Variants in IGF1R observed in about 807,000 individuals in gnomAD.
The protein encoded by IGF1R is insulin-like growth factor 1 receptor.
A neutral mutation model predicts 144.6 loss-of-function variants in IGF1R; 44 were observed. That is an observed-to-expected ratio of 0.30 (90% CI 0.24 to 0.39). IGF1R has a LOEUF of 0.39. Among genes scored for constraint, IGF1R ranks in the 10% least tolerant of loss-of-function variants. The pLI, the probability that IGF1R is intolerant of heterozygous loss-of-function variation, is 1.00. For missense variants in IGF1R, 1,355 were observed against 1,833.7 expected (o/e 0.74, Z 4.77); for synonymous variants, 795 against 722.8 (o/e 1.10, Z -1.60).
intron 2 of IGF1R, among the ~76,000 whole-genome samples, chr15:98,749,875 A>G (rs1005276103): frequency 5.2e-5 from 7 of 133,906 alleles, no homozygotes; most frequent in Non-Finnish European, 1.1e-4. Context: ...AGACTTTTAA[A>G]ATATTTTTAG....
intron 2 of IGF1R, among the ~76,000 whole-genome samples, chr15:98,758,629 G>T (rs1179116747): frequency 6.6e-6 from 1 of 152,238 alleles, no homozygotes; most frequent in Non-Finnish European, 1.5e-5. Flanking sequence ...TGAGCAGGGT[G>T]CAGGGCCTTC....
intron 19 of IGF1R, among the ~76,000 whole-genome samples, chr15:98,946,529 C>T (rs1421113635): frequency 6.6e-6 from 1 of 152,050 alleles, no homozygotes; most frequent in African/African-American, 2.4e-5. Context: ...CTCTGAGGGA[C>T]GGAAGGAGGG....
intron 13 of IGF1R, among the ~76,000 whole-genome samples, chr15:98,927,788 G>C (rs1354305100): frequency 6.6e-6 from 1 of 152,184 alleles, no homozygotes; most frequent in East Asian, 1.9e-4. Flanking sequence ...TCTTTAAAGA[G>C]TAACCATGAT....
Position 98,695,455 on chromosome 15 carries a change from C to G in IGF1R, c.95-12107C>G, listed in dbSNP as rs970881108. On this transcript the variant is annotated intron_variant, in intron 1 of 20. Coordinates refer to ENST00000650285, the MANE Select transcript of IGF1R (RefSeq NM_000875.5). ...TCCTTGTCAGCCTTAAGAGATACCT[C>G]CAAAGCGGAATTTTCTACCCCTAGA... 2.0e-5 allele frequency among the ~76,000 whole-genome samples: 3 copies of G among 152,174 alleles called. No homozygotes were observed. In the East Asian group the frequency reaches 5.8e-4, roughly 29 times the overall value.
At chr15:98,684,877 G>T (rs1459335962) in intron 1 of IGF1R, among the ~76,000 whole-genome samples, 4 of 150,298 alleles carry the variant, frequency 2.7e-5, no homozygotes, top group Non-Finnish European at 5.9e-5. Context: ...TTTGTGAGGA[G>T]TCTGACCCCA....
At chr15:98,651,477 G>A (rs2052365578) in intron 1 of IGF1R, among the ~76,000 whole-genome samples, 1 of 152,218 alleles carries the variant, frequency 6.6e-6, no homozygotes, top group African/African-American at 2.4e-5. Context: ...TAAAAGATAA[G>A]TACGGTTTAG....
intron 2 of IGF1R, chr15:98,873,746 C>T (rs974224659): frequency 6.6e-6 from 1 of 152,172 alleles, no homozygotes; most frequent in Non-Finnish European, 1.5e-5. Context: ...TGTGGTCACA[C>T]CAACAGAAAG....
chr15:98,816,238 T>G (rs567240484), intron 2 of IGF1R, among the ~76,000 whole-genome samples: 1 of 152,356 alleles, frequency 6.6e-6, no homozygotes, highest in East Asian at 1.9e-4. Context: ...TCATCAGGCC[T>G]TTCTCTGAAA....
intron 1 of IGF1R, among the ~76,000 whole-genome samples, chr15:98,661,956 CTTTTTTTTTTTTTTTTTT>C (rs869208651): frequency 9.5e-6 from 1 of 105,750 alleles, no homozygotes; most frequent in Admixed American, 9.8e-5. Flanking sequence ...GAATAGGGCC[CTTTTTTTTTTTTTTTTTT>C]TTTTTTTTGA....
At chr15:98,697,994 C>T (rs1458134363) in intron 1 of IGF1R, among the ~76,000 whole-genome samples, 5 of 150,218 alleles carry the variant, frequency 3.3e-5, no homozygotes, top group Admixed American at 2.7e-4. Flanking sequence ...TTCGGCCTCC[C>T]GAAGTGCTGA....
intron 20 of IGF1R, among the ~76,000 whole-genome samples, chr15:98,956,815 G>A (rs1285082210): frequency 1.3e-5 from 2 of 152,194 alleles, no homozygotes; most frequent in Non-Finnish European, 2.9e-5. Flanking sequence ...GGAGAGTTTG[G>A]GTTTTGTACC....
At chr15:98,750,684 T>G (rs1012577597) in intron 2 of IGF1R, among the ~76,000 whole-genome samples, 7 of 152,164 alleles carry the variant, frequency 4.6e-5, no homozygotes, top group Non-Finnish European at 1.0e-4. Context: ...CCTAAAACTA[T>G]TCAGGGTTAA....
chr15:98,957,184 C>T lies in IGF1R; in HGVS notation c.3846C>T (p.Ser1282=), dbSNP rs369901130. Reference sequence around the variant, plus strand: ...TCCGGGAGGTCTCCTTCTACTACAGCGAGGAGAACAAGCTGCCCGAGCCGG... The same window carrying T: ...TCCGGGAGGTCTCCTTCTACTACAGTGAGGAGAACAAGCTGCCCGAGCCGG... ...PGFREVSFYY[S]EENKLPEPEE... is the part of the protein sequence containing the mutation. Residue 1282 remains serine (S), a synonymous_variant, in exon 21 of 21, where the codon AGC becomes AGT. Coordinates refer to ENST00000650285, the MANE Select transcript of IGF1R (RefSeq NM_000875.5). 9.3e-6 allele frequency: 15 copies of T among 1,614,108 alleles called. No homozygotes were observed. The highest frequency in any genetic ancestry group is 1.1e-5 in the South Asian group (1 of 91,092).
intron 2 of IGF1R, among the ~76,000 whole-genome samples, chr15:98,755,395 A>G (rs1298133465): frequency 6.6e-6 from 1 of 152,032 alleles, no homozygotes; most frequent in African/African-American, 2.4e-5. Flanking sequence ...ACAGGATTAC[A>G]GTAAATTGAC....
At chr15:98,675,583 GTC>G (rs1193113820) in intron 1 of IGF1R, among the ~76,000 whole-genome samples, 1 of 152,120 alleles carries the variant, frequency 6.6e-6, no homozygotes, top group Non-Finnish European at 1.5e-5. Flanking sequence ...TAGAATAGCA[GTC>G]TCTTCATTAT....
chr15:98,899,915 G>C (rs1165937884), intron 5 of IGF1R, among the ~76,000 whole-genome samples: 1 of 152,146 alleles, frequency 6.6e-6, no homozygotes, highest in East Asian at 1.9e-4. Flanking sequence ...GGTGCGCTTA[G>C]GGCTTTTCTG....
intron 2 of IGF1R, among the ~76,000 whole-genome samples, chr15:98,760,975 T>C (rs1473120054): frequency 1.3e-5 from 2 of 152,266 alleles, no homozygotes; most frequent in African/African-American, 2.4e-5. Flanking sequence ...AACAGCTTCG[T>C]CTTGCCAAAT....
chr15:98,924,338 G>A (rs1378413929), intron 12 of IGF1R, among the ~76,000 whole-genome samples, 187 bp from the exon 13 acceptor site: 1 of 152,252 alleles, frequency 6.6e-6, no homozygotes, highest in African/African-American at 2.4e-5. Flanking sequence ...GCTTTTGGGT[G>A]TGCTTAAAGC....
At chr15:98,814,667 AC>A (rs1360882068) in intron 2 of IGF1R, among the ~76,000 whole-genome samples, 2 of 152,218 alleles carry the variant, frequency 1.3e-5, no homozygotes, top group African/African-American at 4.8e-5. Context: ...GGTTTTAAAA[AC>A]AAAAATGTAT....
Sources: gnomAD v4.1 joint callset for allele counts (sites outside exome capture counted in the v4.1 genomes callset) on GRCh38, gnomAD v4.1.1 for gene constraint, MANE v1.5 for transcripts, NCBI Gene and HGNC (gene_info 2026-07-23, HGNC 2026-07-21) for gene names.